The following CHST9 variants were observed in gnomAD, a reference collection of about 807,000 sequenced individuals.
The protein encoded by CHST9 is GalNAc-4-sulfotransferase 2.
CHST9 carries 41 observed loss-of-function variants against 44.4 expected under a neutral mutation model. The observed-to-expected ratio is 0.92, with a 90% confidence interval of 0.72 to 1.20. The LOEUF (loss-of-function observed/expected upper bound fraction) is 1.20. Ranked by LOEUF, CHST9 falls within the 50% of genes most tolerant of loss-of-function variation. The pLI, the probability that CHST9 is intolerant of heterozygous loss-of-function variation, is 0.00. For synonymous variants in CHST9, 171 were observed against 178.4 expected, an observed-to-expected ratio of 0.96 and a Z score of 0.33; for missense variants, 504 against 516.5, an observed-to-expected ratio of 0.98 and a Z score of 0.23.
intron 5 of CHST9, among the ~76,000 whole-genome samples, chr18:26,943,730 T>A (rs1220947464): frequency 6.6e-6 from 1 of 152,142 alleles, no homozygotes. Flanking sequence ...TGGCTGCAGG[T>A]CTCAAGCTCC....
Position 26,916,527 on chromosome 18 carries a change from T to G in CHST9, c.1064A>C (p.Lys355Thr), listed in dbSNP as rs762059727. ...GTTGATCAAACACGGATAGCAGAGTTTGCTGACCTTTTCCCAGTGAATGTC... is the reference window on the plus strand; with the variant it reads ...GTTGATCAAACACGGATAGCAGAGTGTGCTGACCTTTTCCCAGTGAATGTC... ...GMDIHWEKVS[K>T]LCYPCLINYD... Residue 355 changes from lysine to threonine, a missense_variant, in exon 6 of 6, where the codon AAA (lysine) becomes ACA (threonine). Coordinates refer to ENST00000618847, the MANE Select transcript of CHST9 (RefSeq NM_031422.6). The G allele has an allele frequency of 2.2e-5, 36 of 1,613,748 alleles. No individual in the cohort carries two copies. The African/African-American group carries it at 4.0e-4, about 18-fold the overall frequency.
At chr18:26,938,848 C>A (rs1472878927) in intron 5 of CHST9, among the ~76,000 whole-genome samples, 1 of 152,106 alleles carries the variant, frequency 6.6e-6, no homozygotes, top group Admixed American at 6.5e-5. Flanking sequence ...GGTTTAGAAT[C>A]CTTACCTGGG....
At chr18:27,151,347 A>G (rs909750273) in intron 1 of CHST9, among the ~76,000 whole-genome samples, 1 of 152,164 alleles carries the variant, frequency 6.6e-6, no homozygotes, top group Non-Finnish European at 1.5e-5. Context: ...GAGTCCCTGC[A>G]TACCTTTTAT....
At chr18:26,986,740 T>G (rs1236731997) in intron 4 of CHST9, among the ~76,000 whole-genome samples, 1 of 152,184 alleles carries the variant, frequency 6.6e-6, no homozygotes, top group African/African-American at 2.4e-5. Context: ...CAGGATTTCT[T>G]GTTGGAAACA....
chr18:27,013,970 G>T (rs907833529), intron 4 of CHST9, among the ~76,000 whole-genome samples: 15 of 152,258 alleles, frequency 9.9e-5, no homozygotes, highest in Non-Finnish European at 2.1e-4. Flanking sequence ...TAAAATTTAA[G>T]TTCAATTGTA....
At chr18:26,940,792 A>G (rs9946779) in intron 5 of CHST9, among the ~76,000 whole-genome samples, 24,040 of 152,170 alleles carry the variant, frequency 0.16, 2,095 homozygotes, top group East Asian at 0.24. Context: ...CTAAGAATAC[A>G]ACCTTGTTTG....
At chr18:27,066,572 T>C (rs1032584481) in intron 2 of CHST9, among the ~76,000 whole-genome samples, 6 of 152,130 alleles carry the variant, frequency 3.9e-5, no homozygotes, top group African/African-American at 1.4e-4. Flanking sequence ...GTTGGGATTA[T>C]AGGCATGAGC....
intron 1 of CHST9, among the ~76,000 whole-genome samples, chr18:27,166,008 G>A (rs1347878540): frequency 6.6e-6 from 1 of 152,144 alleles, no homozygotes; most frequent in Non-Finnish European, 1.5e-5. Context: ...TATTTTGAAA[G>A]GCTTCACAAT....
At chr18:27,135,026 A>C (rs1276534612) in intron 2 of CHST9, among the ~76,000 whole-genome samples, 1 of 152,198 alleles carries the variant, frequency 6.6e-6, no homozygotes, top group Admixed American at 6.5e-5. Context: ...CAAATTGCTA[A>C]GAGAGGAGAT....
chr18:27,110,174 G>A (rs2058258620), intron 2 of CHST9, among the ~76,000 whole-genome samples: 1 of 147,106 alleles, frequency 6.8e-6, no homozygotes, highest in African/African-American at 2.5e-5. Context: ...CCTGCCACTT[G>A]AAAAAAGGTT....
At chr18:27,082,323 G>A (rs1213092171) in intron 2 of CHST9, among the ~76,000 whole-genome samples, 1 of 152,172 alleles carries the variant, frequency 6.6e-6, no homozygotes, top group East Asian at 1.9e-4. Context: ...CCTACTATCA[G>A]ATAATTCTCA....
intron 1 of CHST9, among the ~76,000 whole-genome samples, chr18:27,160,688 C>T (rs1020674244): frequency 3.9e-5 from 6 of 152,180 alleles, no homozygotes; most frequent in African/African-American, 9.7e-5. Flanking sequence ...AGGAATGGTA[C>T]GAGCTCCTCC....
At chr18:27,146,093 G>A (rs72884381) in intron 1 of CHST9, among the ~76,000 whole-genome samples, 18 of 152,268 alleles carry the variant, frequency 1.2e-4, no homozygotes, top group South Asian at 4.1e-4. Flanking sequence ...GCAGAGCCAC[G>A]AACCTGTGGG....
chr18:26,981,085 T>C (rs111453733), intron 4 of CHST9, among the ~76,000 whole-genome samples: 6 of 152,298 alleles, frequency 3.9e-5, no homozygotes, highest in East Asian at 1.9e-4. Context: ...CATTCTCTAA[T>C]AGCAGAGTTG....
chr18:26,922,564 AT>A (rs1165464820), intron 5 of CHST9, among the ~76,000 whole-genome samples: 5 of 152,248 alleles, frequency 3.3e-5, no homozygotes, highest in Admixed American at 6.5e-5. Context: ...TCTAAAAAAA[AT>A]ATGGAAAAAT....
At position 26,916,049 on chromosome 18, in the gene CHST9, T is replaced by C. The variant is rs117939395; in HGVS notation, c.*210A>G. ...AAAAGCAGCTCTTTTCCAAACATTT[T>C]AGAGCAACTCAAGTTGTTTACATCT... is the stretch of plus-strand genomic sequence containing the variant. On this transcript the variant is annotated 3_prime_UTR_variant, in exon 6 of 6. Transcript: ENST00000618847. The C allele has an allele frequency of 6.1e-5, 27 of 439,390 alleles. No homozygotes were observed. The East Asian group carries it at 1.0e-3, about 16-fold the overall frequency. The allele number at this position is 439,390 out of a possible 1,614,324, so 27.2% of individuals were successfully genotyped here.
At chr18:27,040,148 A>C (rs995318584) in intron 3 of CHST9, among the ~76,000 whole-genome samples, 1 of 152,170 alleles carries the variant, frequency 6.6e-6, no homozygotes, top group Non-Finnish European at 1.5e-5. Flanking sequence ...AAATGAAGGT[A>C]AGCTAGGGTA....
chr18:27,031,730 C>T (rs1347792654), intron 3 of CHST9, among the ~76,000 whole-genome samples: 2 of 152,190 alleles, frequency 1.3e-5, no homozygotes, highest in East Asian at 3.9e-4. Flanking sequence ...CTGAAAGTCC[C>T]CTGAATAGGC....
At chr18:26,920,086 T>C (rs2055620049) in intron 5 of CHST9, among the ~76,000 whole-genome samples, 1 of 152,200 alleles carries the variant, frequency 6.6e-6, no homozygotes, top group Non-Finnish European at 1.5e-5. Flanking sequence ...CTAACTCAGC[T>C]CCTGTCATTA....
Sources: gnomAD v4.1 joint callset for allele counts (sites outside exome capture counted in the v4.1 genomes callset) on GRCh38, gnomAD v4.1.1 for gene constraint, MANE v1.5 for transcripts, NCBI Gene and HGNC (gene_info 2026-07-23, HGNC 2026-07-21) for gene names.